GLG1: variants seen among roughly 807,000 people sequenced by gnomAD.
The protein encoded by GLG1 is Golgi apparatus protein 1.
GLG1 carries 38 observed loss-of-function variants against 160.5 expected under a neutral mutation model. That is an observed-to-expected ratio of 0.24 (90% CI 0.18 to 0.31). GLG1 has a LOEUF of 0.31. Ranked by LOEUF, GLG1 falls within the 10% of genes least tolerant of loss-of-function variation. The pLI is 1.00. For missense variants in GLG1, 1,373 were observed against 1,505.2 expected, an observed-to-expected ratio of 0.91 and a Z score of 1.45; for synonymous variants, 644 against 543.4, an observed-to-expected ratio of 1.19 and a Z score of -2.57.
chr16:74,542,716 G>GGGAGGGA (rs1567513828), intron 1 of GLG1, among the ~76,000 whole-genome samples: 3 of 29,784 alleles, frequency 1.0e-4, no homozygotes, highest in African/African-American at 3.8e-4. Flanking sequence ...AAGGGAAGAA[G>GGGAGGGA]GGAAGGAAGG....
chr16:74,484,997 T>C (rs2015741331), intron 9 of GLG1, among the ~76,000 whole-genome samples: 2 of 152,074 alleles, frequency 1.3e-5, no homozygotes, highest in Admixed American at 6.6e-5. Flanking sequence ...CACTGTAACC[T>C]TGAACTCCTG....
intron 22 of GLG1, among the ~76,000 whole-genome samples, chr16:74,460,448 C>T (rs2014744430): frequency 6.6e-6 from 1 of 152,232 alleles, no homozygotes; most frequent in Non-Finnish European, 1.5e-5. Context: ...TGAGCCACCA[C>T]ACCCGGCCTG....
At chr16:74,551,218 AAT>A (rs2018189221) in intron 1 of GLG1, among the ~76,000 whole-genome samples, 1 of 152,200 alleles carries the variant, frequency 6.6e-6, no homozygotes, top group African/African-American at 2.4e-5. Flanking sequence ...ACATAATAAA[AAT>A]AGTTTTTCAT....
At chr16:74,549,090 C>A (rs9936239) in intron 1 of GLG1, among the ~76,000 whole-genome samples, 102,146 of 152,006 alleles carry the variant, frequency 0.67, 34,549 homozygotes, top group East Asian at 0.81. Flanking sequence ...CAATCTTATA[C>A]ATTCCTCTCT....
At chr16:74,555,826 C>A (rs1162183664) in intron 1 of GLG1, among the ~76,000 whole-genome samples, 5 of 150,136 alleles carry the variant, frequency 3.3e-5, no homozygotes, top group Admixed American at 2.0e-4. Context: ...GGTGATAATT[C>A]ATCTTTTTTT....
chr16:74,559,150 C>T (rs1236726953), intron 1 of GLG1, among the ~76,000 whole-genome samples: 3 of 152,154 alleles, frequency 2.0e-5, no homozygotes, highest in Non-Finnish European at 4.4e-5. Context: ...GGATTACAGG[C>T]CTGAACCACT....
intron 1 of GLG1, among the ~76,000 whole-genome samples, chr16:74,545,349 T>C (rs1365338863): frequency 1.3e-5 from 2 of 151,920 alleles, no homozygotes; most frequent in African/African-American, 4.8e-5. Flanking sequence ...CCTGGTTAAT[T>C]TTTGTGTATT....
intron 4 of GLG1, among the ~76,000 whole-genome samples, chr16:74,497,082 C>G (rs1270541933): frequency 6.6e-6 from 1 of 151,880 alleles, no homozygotes; most frequent in Non-Finnish European, 1.5e-5. Context: ...AGTTCGAGAC[C>G]AGCCTGGCCA....
chr16:74,482,534 G>C (rs1294236530), intron 10 of GLG1, among the ~76,000 whole-genome samples: 5 of 151,132 alleles, frequency 3.3e-5, no homozygotes, highest in Non-Finnish European at 1.5e-5. Context: ...ACCGCTTTTT[G>C]TTAACAGAAT....
chr16:74,544,152 G>A (rs190173300), intron 1 of GLG1, among the ~76,000 whole-genome samples: 81 of 152,206 alleles, frequency 5.3e-4, no homozygotes, highest in African/African-American at 1.8e-3. Flanking sequence ...CTCCATTAAC[G>A]GAAAAACAAA....
At chr16:74,471,121 A>T in intron 15 of GLG1, 52 bp downstream of exon 15, 1 of 944,584 alleles carries the variant, frequency 1.1e-6, no homozygotes, top group Non-Finnish European at 1.8e-6. Context: ...GAAAGGATTC[A>T]GTCAACATCC....
At chr16:74,589,559 G>C (rs953045274) in intron 1 of GLG1, among the ~76,000 whole-genome samples, 2 of 152,080 alleles carry the variant, frequency 1.3e-5, no homozygotes, top group African/African-American at 4.8e-5. Flanking sequence ...CTCTCCAAAA[G>C]CCCACACCAC....
intron 2 of GLG1, among the ~76,000 whole-genome samples, chr16:74,525,954 G>T (rs1374840801): frequency 6.6e-6 from 1 of 152,078 alleles, no homozygotes; most frequent in African/African-American, 2.4e-5. Context: ...CCAGGAGATG[G>T]ATACCAGCCT....
Position 74,456,517 on chromosome 16 carries a change from C to T in GLG1, c.3372+132G>A, listed in dbSNP as rs1009049236. On this transcript the variant is annotated intron_variant, in intron 25 of 25. Transcript: ENST00000422840. Reference sequence around the variant, plus strand: ...TCTCACAATAAGGACAAGACCAGTGCGATATCTAAAAGAGGCTGGACAGCC... The same window carrying T: ...TCTCACAATAAGGACAAGACCAGTGTGATATCTAAAAGAGGCTGGACAGCC... 7.1e-5 allele frequency: 48 copies of T among 680,630 alleles called. No individual in the cohort carries two copies. In the East Asian group the frequency reaches 1.0e-3, roughly 15 times the overall value. The allele number at this position is 680,630 out of a possible 1,614,324, so 42.2% of individuals were successfully genotyped here.
At chr16:74,580,703 T>C (rs952796608) in intron 1 of GLG1, among the ~76,000 whole-genome samples, 1 of 152,012 alleles carries the variant, frequency 6.6e-6, no homozygotes, top group Non-Finnish European at 1.5e-5. Flanking sequence ...GACGACCAAA[T>C]CAATAGAGTG....
chr16:74,547,388 A>T (rs1268775207), intron 1 of GLG1, among the ~76,000 whole-genome samples: 1 of 151,952 alleles, frequency 6.6e-6, no homozygotes, highest in East Asian at 1.9e-4. Context: ...TCTAGCTTAC[A>T]TAAGTAATTG....
chr16:74,456,628 G>C (rs1275642993), intron 25 of GLG1, 21 bp downstream of exon 25: 3 of 1,484,212 alleles, frequency 2.0e-6, no homozygotes, highest in Non-Finnish European at 2.8e-6. Context: ...TTTTAAAAAA[G>C]GAGATTCTCT....
chr16:74,607,106 G>T lies in GLG1; in HGVS notation c.-12C>A, dbSNP rs1217037566. On this transcript the variant is annotated 5_prime_UTR_variant, in exon 1 of 26. Coordinates refer to ENST00000422840, the MANE Select transcript of GLG1 (RefSeq NM_001145667.2). ...CCACACGCCGCCATCTTGAGTCCGC[G>T]GCGAGCTCGACGCACTCGCCGGCGC... is the stretch of plus-strand genomic sequence containing the variant. The T allele has an allele frequency of 1.3e-6, 2 of 1,517,106 alleles. No individual in the cohort carries two copies. The highest frequency in any genetic ancestry group is 1.4e-5 in the African/African-American group (1 of 72,154). The allele number at this position is 1,517,106 out of a possible 1,614,324, so 94.0% of individuals were successfully genotyped here.
In GLG1 at chr16:74,574,229, A is replaced by G. The variant is rs918737009; in HGVS notation, c.438+32428T>C. On this transcript the variant is annotated intron_variant, in intron 1 of 25. Transcript: ENST00000422840. Reference sequence around the variant, plus strand: ...AATTATTTCCCATCAACAGGATATGACTATTTAAATTCAGAGGGTGTTCAC... The same window carrying G: ...AATTATTTCCCATCAACAGGATATGGCTATTTAAATTCAGAGGGTGTTCAC... Among the ~76,000 whole-genome samples, 5 of 152,250 alleles carry G rather than the reference A, an allele frequency of 3.3e-5. No homozygotes were observed. In the East Asian group the frequency reaches 9.6e-4, roughly 29 times the overall value.
Sources: gnomAD v4.1 joint callset for allele counts (sites outside exome capture counted in the v4.1 genomes callset) on GRCh38, gnomAD v4.1.1 for gene constraint, MANE v1.5 for transcripts, NCBI Gene and HGNC (gene_info 2026-07-23, HGNC 2026-07-21) for gene names.